The following PSMA5 variants were observed in gnomAD, a reference collection of about 807,000 sequenced individuals.
PSMA5 encodes the protein proteasome 20S subunit alpha 5, also known as proteasome subunit alpha type-5.
Under a neutral mutation model 34.5 loss-of-function variants are expected in PSMA5, and 3 were observed. The observed-to-expected ratio is 0.09, with a 90% CI of 0.04 to 0.22. PSMA5 has a LOEUF of 0.22. Ranked by LOEUF, PSMA5 falls within the 10% of genes least tolerant of loss-of-function variation. The pLI, the probability that PSMA5 is intolerant of heterozygous loss-of-function variation, is 1.00. For missense variants in PSMA5, 120 were observed against 286.1 expected (o/e 0.42, Z 4.19); for synonymous variants, 88 against 95.8 (o/e 0.92, Z 0.47).
intron 1 of PSMA5, chr1:109,425,870 T>C (rs1322200701): frequency 5.4e-6 from 1 of 183,572 alleles, no homozygotes; most frequent in Non-Finnish European, 1.1e-5. Context: ...GAAGAAACTA[T>C]ACACCGCAGC....
intron 6 of PSMA5, 78 bp from the exon 7 acceptor site, chr1:109,411,191 A>G: frequency 1.0e-6 from 1 of 967,972 alleles, no homozygotes; most frequent in South Asian, 1.4e-5. Flanking sequence ...ACTAAAACAA[A>G]GTATAAATGC....
chr1:109,421,289 G>A (rs568732505), intron 2 of PSMA5, among the ~76,000 whole-genome samples: 7 of 152,138 alleles, frequency 4.6e-5, no homozygotes, highest in Admixed American at 2.6e-4. Flanking sequence ...TGTAATCCCA[G>A]CACTTTGGGA....
chr1:109,410,626 G>C (rs545410384), intron 7 of PSMA5, among the ~76,000 whole-genome samples: 1 of 152,320 alleles, frequency 6.6e-6, no homozygotes, highest in South Asian at 2.1e-4. Flanking sequence ...TGTGAATATA[G>C]AGGATAAACA....
intron 8 of PSMA5, among the ~76,000 whole-genome samples, chr1:109,406,522 A>C (rs1444070168): frequency 6.6e-6 from 1 of 152,002 alleles, no homozygotes; most frequent in East Asian, 1.9e-4. Context: ...ACACAGCAAG[A>C]CCCCATCTCT....
Position 109,400,622 on chromosome 1 carries a change from TTTCC to T in PSMA5, c.*1387_*1390del, listed in dbSNP as rs1303006068. On this transcript the variant is annotated 3_prime_UTR_variant, in exon 9 of 9. Coordinates refer to ENST00000271308, the MANE Select transcript of PSMA5 (RefSeq NM_002790.4). ...GTAACAATATACTCTAATTCTCTGC[TTTCC>T]TTATGTGTTATTCTAGGGCAAAATC... 1 of 152,240 alleles carries T rather than the reference TTTCC, an allele frequency of 6.6e-6. No homozygotes were observed. The highest frequency in any genetic ancestry group is 6.5e-5 in the Admixed American group (1 of 15,282). The allele number at this position is 152,240 out of a possible 1,614,324, so 9.4% of individuals were successfully genotyped here.
At chr1:109,425,326 C>A (rs1654612176) in intron 1 of PSMA5, 1 of 152,068 alleles carries the variant, frequency 6.6e-6, no homozygotes, top group African/African-American at 2.4e-5. Context: ...TCATACACAC[C>A]CTAACTCAAA....
chr1:109,403,845 TA>T (rs896695683), intron 8 of PSMA5, among the ~76,000 whole-genome samples: 2 of 150,900 alleles, frequency 1.3e-5, no homozygotes, highest in Admixed American at 1.3e-4. Context: ...GGAACAGACT[TA>T]AAAAAAAAGT....
chr1:109,423,755 T>A (rs1654536733), intron 1 of PSMA5, among the ~76,000 whole-genome samples: 1 of 152,204 alleles, frequency 6.6e-6, no homozygotes, highest in Non-Finnish European at 1.5e-5. Flanking sequence ...TCCTCCACAG[T>A]AACACATCAC....
chr1:109,424,879 C>T (rs1052107668), intron 1 of PSMA5, among the ~76,000 whole-genome samples: 6 of 152,124 alleles, frequency 3.9e-5, no homozygotes, highest in Non-Finnish European at 5.9e-5. Context: ...CCCAGCTACT[C>T]GGGAGGCTGA....
intron 3 of PSMA5, 134 bp from the exon 4 acceptor site, chr1:109,413,269 G>T: frequency 1.4e-6 from 1 of 739,002 alleles, no homozygotes. Flanking sequence ...ATACCCAAAA[G>T]ATTAGATAGG....
chr1:109,411,958 ATT>A (rs1654007334), intron 5 of PSMA5, 23 bp from the exon 6 acceptor site: 1 of 1,602,184 alleles, frequency 6.2e-7, no homozygotes. Flanking sequence ...AATAAGAGAT[ATT>A]AAGATAAATG....
At chr1:109,420,991 G>A (rs1423496126) in intron 2 of PSMA5, among the ~76,000 whole-genome samples, 1 of 147,888 alleles carries the variant, frequency 6.8e-6, no homozygotes, top group Non-Finnish European at 1.5e-5. Flanking sequence ...GACCAACTTG[G>A]GCAACATAGC....
At chr1:109,413,248 C>T in intron 3 of PSMA5, 113 bp from the exon 4 acceptor site, 1 of 930,100 alleles carries the variant, frequency 1.1e-6, no homozygotes, top group Non-Finnish European at 1.7e-6. Flanking sequence ...TCAGCTATCC[C>T]ATGGCATTTT....
At chr1:109,414,349 T>C (rs1417216272) in intron 3 of PSMA5, among the ~76,000 whole-genome samples, 1 of 152,230 alleles carries the variant, frequency 6.6e-6, no homozygotes, top group Non-Finnish European at 1.5e-5. Flanking sequence ...AACTAATTAT[T>C]TCTTCCCTTG....
At chr1:109,403,846 A>T (rs1571012181) in intron 8 of PSMA5, among the ~76,000 whole-genome samples, 1 of 151,234 alleles carries the variant, frequency 6.6e-6, no homozygotes, top group South Asian at 2.1e-4. Flanking sequence ...GAACAGACTT[A>T]AAAAAAAAGT....
At chr1:109,424,539 A>T (rs1654573081) in intron 1 of PSMA5, among the ~76,000 whole-genome samples, 1 of 151,918 alleles carries the variant, frequency 6.6e-6, no homozygotes, top group Admixed American at 6.5e-5. Context: ...GCACTTTGGG[A>T]GGCCAAGGCA....
chr1:109,405,493 A>C (rs1487518023), intron 8 of PSMA5, among the ~76,000 whole-genome samples: 1 of 131,410 alleles, frequency 7.6e-6, no homozygotes, highest in East Asian at 2.4e-4. Flanking sequence ...TCTGGAGTGC[A>C]GTGGCGTGAT....
intron 2 of PSMA5, among the ~76,000 whole-genome samples, chr1:109,418,306 G>C (rs1445419795): frequency 6.6e-6 from 1 of 151,836 alleles, no homozygotes; most frequent in African/African-American, 2.4e-5. Context: ...TAAACAATCT[G>C]ACCAGTTCAA....
At chr1:109,426,122 C>A in intron 1 of PSMA5, 180 bp downstream of exon 1, 1 of 749,638 alleles carries the variant, frequency 1.3e-6, no homozygotes, top group African/African-American at 1.7e-5. Context: ...GGACAAGTGC[C>A]GCCGATGTGG....
Sources: gnomAD v4.1 joint callset for allele counts (sites outside exome capture counted in the v4.1 genomes callset) on GRCh38, gnomAD v4.1.1 for gene constraint, MANE v1.5 for transcripts, NCBI Gene and HGNC (gene_info 2026-07-23, HGNC 2026-07-21) for gene names.